ENOX1: variants seen among roughly 807,000 people sequenced by gnomAD.
The protein encoded by ENOX1 is candidate growth-related and time keeping constitutive hydroquinone (NADH) oxidase.
ENOX1 carries 42 observed loss-of-function variants against 82.5 expected under a neutral mutation model. That is an observed-to-expected ratio of 0.51 (90% confidence interval 0.40 to 0.66). The LOEUF (loss-of-function observed/expected upper bound fraction) is 0.66. Among genes scored for constraint, ENOX1 ranks in the 30% least tolerant of loss-of-function variants. The pLI is 0.00. For synonymous variants in ENOX1, 271 were observed against 282.2 expected, an observed-to-expected ratio of 0.96 and a Z score of 0.40; for missense variants, 608 against 811.6, an observed-to-expected ratio of 0.75 and a Z score of 3.05.
At chr13:43,222,380 T>TAC (rs35476412) in intron 16 of ENOX1, among the ~76,000 whole-genome samples, 11,022 of 149,124 alleles carry the variant, frequency 0.074, 387 homozygotes, top group Non-Finnish European at 0.082. Context: ...GAGATGATTT[T>TAC]ACACACACAC....
intron 2 of ENOX1, among the ~76,000 whole-genome samples, chr13:43,550,906 C>T (rs1054352683): frequency 5.9e-5 from 9 of 152,100 alleles, no homozygotes; most frequent in Non-Finnish European, 4.4e-5. Context: ...GAAAGGAGTT[C>T]GTATTACAAA....
intron 3 of ENOX1, among the ~76,000 whole-genome samples, chr13:43,475,382 AT>A (rs2153651280): frequency 6.6e-6 from 1 of 152,238 alleles, no homozygotes; most frequent in South Asian, 2.1e-4. Context: ...TTTTCTGAGG[AT>A]TTAGGCTCAA....
At chr13:43,378,279 C>A (rs1594226730) in intron 5 of ENOX1, among the ~76,000 whole-genome samples, 1 of 152,302 alleles carries the variant, frequency 6.6e-6, no homozygotes, top group East Asian at 1.9e-4. Context: ...GTCTGACAGT[C>A]TCTCTGAGTA....
At chr13:43,510,856 C>T (rs778603192) in intron 2 of ENOX1, among the ~76,000 whole-genome samples, 1 of 152,084 alleles carries the variant, frequency 6.6e-6, no homozygotes, top group Non-Finnish European at 1.5e-5. Context: ...CTATCTGTAA[C>T]TCATTGAAAA....
chr13:43,304,169 C>T (rs186456709), intron 11 of ENOX1, among the ~76,000 whole-genome samples: 2 of 152,332 alleles, frequency 1.3e-5, no homozygotes, highest in Admixed American at 6.5e-5. Flanking sequence ...GCAAAAGGCA[C>T]AGTCACTATT....
At chr13:43,534,666 T>A (rs1490008334) in intron 2 of ENOX1, among the ~76,000 whole-genome samples, 5 of 152,248 alleles carry the variant, frequency 3.3e-5, no homozygotes, top group Non-Finnish European at 5.9e-5. Context: ...CGCAGATGCC[T>A]AAGGTGGTCT....
At chr13:43,498,885 A>G (rs969239279) in intron 2 of ENOX1, among the ~76,000 whole-genome samples, 4 of 152,106 alleles carry the variant, frequency 2.6e-5, no homozygotes, top group Non-Finnish European at 5.9e-5. Flanking sequence ...TGACTGGATG[A>G]TAGAATTAGT....
chr13:43,551,540 C>A (rs369121761), intron 2 of ENOX1, among the ~76,000 whole-genome samples: 2 of 152,120 alleles, frequency 1.3e-5, no homozygotes, highest in East Asian at 3.9e-4. Context: ...TTTTATACAC[C>A]AAAAACTTTT....
intron 3 of ENOX1, among the ~76,000 whole-genome samples, chr13:43,462,792 C>T (rs2057546317): frequency 6.6e-6 from 1 of 152,192 alleles, no homozygotes; most frequent in Non-Finnish European, 1.5e-5. Flanking sequence ...GTCAACCTCA[C>T]TCCCAGGAAA....
At chr13:43,305,682 C>T (rs1353908477) in intron 11 of ENOX1, among the ~76,000 whole-genome samples, 1 of 152,210 alleles carries the variant, frequency 6.6e-6, no homozygotes, top group African/African-American at 2.4e-5. Flanking sequence ...CATCATGCCT[C>T]ATCACTTTTC....
intron 2 of ENOX1, among the ~76,000 whole-genome samples, chr13:43,665,765 G>A (rs2084946439): frequency 6.6e-6 from 1 of 151,536 alleles, no homozygotes; most frequent in African/African-American, 2.4e-5. Flanking sequence ...GTTTAGCCTG[G>A]ACTAAACTGA....
intron 1 of ENOX1, among the ~76,000 whole-genome samples, chr13:43,770,101 A>G (rs1253599492): frequency 6.6e-6 from 1 of 152,270 alleles, no homozygotes; most frequent in Admixed American, 6.5e-5. Flanking sequence ...ACAAATGTCT[A>G]TCAGTAAATC....
At position 43,484,102 on chromosome 13, in the gene ENOX1, C is replaced by A; in HGVS notation, c.-168G>T. 1 of 985,458 alleles carries A rather than the reference C, an allele frequency of 1.0e-6. No homozygotes were observed. Among genetic ancestry groups the A allele is most frequent in the Non-Finnish European group, 1.2e-6 (1 of 829,910 alleles). The allele number at this position is 985,458 out of a possible 1,614,324, so 61.0% of individuals were successfully genotyped here. ...AAAAGTCTTTTAAATGGATGCTCTTCACAAAGGAAGTCTCATGGAAGACAG... is the reference window on the plus strand; with the variant it reads ...AAAAGTCTTTTAAATGGATGCTCTTAACAAAGGAAGTCTCATGGAAGACAG... On this transcript the variant is annotated 5_prime_UTR_variant, in exon 3 of 17. The change abolishes the stop of an existing upstream ORF in the 5' untranslated region. Coordinates refer to ENST00000690772, the MANE Select transcript of ENOX1 (RefSeq NM_001347969.2).
At chr13:43,662,467 A>C (rs530951738) in intron 2 of ENOX1, among the ~76,000 whole-genome samples, 1 of 152,304 alleles carries the variant, frequency 6.6e-6, no homozygotes, top group Admixed American at 6.5e-5. Flanking sequence ...CTTTCTAAGT[A>C]TCTTCTTCCC....
intron 1 of ENOX1, among the ~76,000 whole-genome samples, chr13:43,741,665 A>C (rs1949745358): frequency 6.6e-6 from 1 of 152,204 alleles, no homozygotes; most frequent in African/African-American, 2.4e-5. Context: ...CATGATTTGC[A>C]ACTTTTTCTC....
intron 5 of ENOX1, among the ~76,000 whole-genome samples, chr13:43,380,847 CA>C (rs902131922): frequency 1.9e-4 from 29 of 151,718 alleles, no homozygotes; most frequent in African/African-American, 7.0e-4. Context: ...GTCAATTTAA[CA>C]AGAAAATATA....
At chr13:43,559,359 C>T (rs536077083) in intron 2 of ENOX1, among the ~76,000 whole-genome samples, 164 of 152,066 alleles carry the variant, frequency 1.1e-3, no homozygotes, top group Non-Finnish European at 2.1e-3. Context: ...CTATTTTTAT[C>T]CTTTGTCACT....
At chr13:43,584,929 A>G (rs2080910934) in intron 2 of ENOX1, among the ~76,000 whole-genome samples, 1 of 152,208 alleles carries the variant, frequency 6.6e-6, no homozygotes, top group Non-Finnish European at 1.5e-5. Flanking sequence ...TCGCAAGCAC[A>G]AACTGGGATC....
rs531569967 is a variant in ENOX1 at position 43,699,394 on chromosome 13, G to T, written c.-284-31850C>A. ...TCTAGAATGGTACCCCAGCACAATC[G>T]GGATTGCTAGAGGGCAGATATGCAA... On this transcript the variant is annotated intron_variant, in intron 1 of 16. Transcript: ENST00000690772. Among the ~76,000 whole-genome samples, 103 of 152,282 alleles carry T rather than the reference G, an allele frequency of 6.8e-4. 1 individual carries two copies. The highest frequency in any genetic ancestry group is 2.9e-4 in the Non-Finnish European group (20 of 68,020).
Sources: allele counts gnomAD v4.1 joint callset (sites outside exome capture counted in the v4.1 genomes callset), GRCh38; gene constraint gnomAD v4.1.1; transcripts MANE v1.5; gene names NCBI Gene and HGNC (gene_info 2026-07-23, HGNC 2026-07-21).